ADGRV1: variants seen among roughly 807,000 people sequenced by gnomAD.
ADGRV1 encodes the protein adhesion G protein-coupled receptor V1, also known as G-protein coupled receptor 98.
ADGRV1 carries 359 observed loss-of-function variants against 596.2 expected under a neutral mutation model. The observed-to-expected ratio is 0.60, with a 90% confidence interval of 0.55 to 0.66. The LOEUF (loss-of-function observed/expected upper bound fraction) is 0.66, where lower values mean the gene tolerates loss of function less well. Ranked by LOEUF, ADGRV1 falls within the 30% of genes least tolerant of loss-of-function variation. The probability of loss-of-function intolerance (pLI) is 0.00; values close to 1 mark genes in which losing one functional copy is unlikely to be tolerated. For missense variants in ADGRV1, 7,274 were observed against 7,575.6 expected, an observed-to-expected ratio of 0.96 and a Z score of 1.48; for synonymous variants, 2,681 against 2,679.2, an observed-to-expected ratio of 1.00 and a Z score of -0.02.
chr5:90,818,889 G>A (rs1763185192), intron 75 of ADGRV1, among the ~76,000 whole-genome samples: 1 of 149,340 alleles, frequency 6.7e-6, no homozygotes, highest in African/African-American at 2.5e-5. Context: ...TTTTGGTTGT[G>A]TCTCTGCCCG....
intron 34 of ADGRV1, among the ~76,000 whole-genome samples, chr5:90,699,069 G>A (rs1747569104): frequency 6.6e-6 from 1 of 152,144 alleles, no homozygotes; most frequent in African/African-American, 2.4e-5. Flanking sequence ...TGGCTTTCAG[G>A]AGGCTGCCTG....
At position 91,032,365 on chromosome 5, in the gene ADGRV1, T is replaced by G. The variant is rs76144854; in HGVS notation, c.18153-40082T>G. Among the ~76,000 whole-genome samples the G allele has an allele frequency of 5.5e-4, 84 of 152,286 alleles. 2 individuals are homozygous for G. In the East Asian group the frequency reaches 0.016, roughly 28 times the overall value. ...TATAAACGGAAGCAGAGTAGAAAAG[T>G]TATGATGCTATTGTGATGTAAAGGC... is the stretch of plus-strand genomic sequence containing the variant. On this transcript the variant is annotated intron_variant, in intron 85 of 89. Transcript: ENST00000405460.
rs1184010778 is a variant in ADGRV1 at position 91,027,144 on chromosome 5, A to AACACACACACACACACAC, written c.18152+41651_18152+41668dup. Among the ~76,000 whole-genome samples the AACACACACACACACACAC allele has an allele frequency of 1.6e-3, 207 of 129,208 alleles. 2 individuals carry two copies. The highest frequency in any genetic ancestry group is 2.1e-3 in the East Asian group (9 of 4,312). 84.8% of individuals were successfully genotyped at this position (129,208 alleles called of 152,430 possible). A position where few individuals can be genotyped will look rare whatever the true frequency, so the allele number is the denominator to read the frequency against. ...GCAACAGAGCAAAACACAGTCTCAA[A>AACACACACACACACACAC]ACACACACACACACACACACACACA... is the stretch of plus-strand genomic sequence containing the variant. On this transcript the variant is annotated intron_variant, in intron 85 of 89. Coordinates refer to ENST00000405460, the MANE Select transcript of ADGRV1 (RefSeq NM_032119.4).
At chr5:90,850,637 A>G (rs929942877) in intron 79 of ADGRV1, 9 of 152,184 alleles carry the variant, frequency 5.9e-5, no homozygotes, top group Non-Finnish European at 1.2e-4. Flanking sequence ...TAGCTTTGCA[A>G]TCCCCACAAT....
chr5:90,884,342 C>G (rs1033556704), intron 83 of ADGRV1, among the ~76,000 whole-genome samples: 2 of 152,172 alleles, frequency 1.3e-5, no homozygotes, highest in Non-Finnish European at 2.9e-5. Context: ...AACAACCAAT[C>G]TATTCTTTTC....
At chr5:90,648,630 GT>G (rs1274733916) in intron 17 of ADGRV1, among the ~76,000 whole-genome samples, 15 of 152,104 alleles carry the variant, frequency 9.9e-5, no homozygotes, top group Admixed American at 7.2e-4. Context: ...CTTAATTATT[GT>G]TTTAGCTGTG....
intron 49 of ADGRV1, 147 bp downstream of exon 49, chr5:90,729,080 G>C: frequency 1.7e-6 from 1 of 603,490 alleles, no homozygotes. Flanking sequence ...ATTGTCAGCT[G>C]TAAATGGATT....
chr5:90,977,159 T>G (rs1282520155), intron 84 of ADGRV1, among the ~76,000 whole-genome samples: 2 of 152,174 alleles, frequency 1.3e-5, no homozygotes, highest in Non-Finnish European at 2.9e-5. Flanking sequence ...GACAACAGAC[T>G]GGGAATTATC....
At chr5:90,710,871 C>T in intron 39 of ADGRV1, 110 bp from the exon 40 acceptor site, 3 of 659,316 alleles carry the variant, frequency 4.6e-6, no homozygotes, top group Non-Finnish European at 7.9e-6. Context: ...GTTGATAATA[C>T]CTGTACATTA....
At chr5:90,682,588 A>G (rs558523658) in intron 27 of ADGRV1, among the ~76,000 whole-genome samples, 1 of 152,358 alleles carries the variant, frequency 6.6e-6, no homozygotes, top group African/African-American at 2.4e-5. Context: ...ATGAAGAAAT[A>G]TCACTCAAAC....
rs1362980062 is a variant in ADGRV1, at chr5:90,860,096, A to T, written c.17756-3661A>T. Among the ~76,000 whole-genome samples, 6 of 151,756 alleles carry T rather than the reference A, an allele frequency of 4.0e-5. No homozygotes were observed. The East Asian group carries it at 1.2e-3, about 29-fold the overall frequency. ...ACTGAGCAAGACCCTGTCTCTTAAA[A>T]AATAATAATAATAATAATGAAAATT... On this transcript the variant is annotated intron_variant, in intron 82 of 89. Transcript: ENST00000405460.
intron 85 of ADGRV1, among the ~76,000 whole-genome samples, chr5:90,994,875 C>T (rs1233036187): frequency 6.6e-6 from 1 of 152,194 alleles, no homozygotes; most frequent in East Asian, 1.9e-4. Context: ...GAAGAAATCT[C>T]CTAGTCTTTG....
chr5:90,734,097 T>C (rs1561624163), intron 50 of ADGRV1, among the ~76,000 whole-genome samples: 1 of 152,214 alleles, frequency 6.6e-6, no homozygotes, highest in Non-Finnish European at 1.5e-5. Context: ...TGACAGAATT[T>C]TGTTCTTTTT....
chr5:91,128,019 A>T (rs1793913572), intron 87 of ADGRV1, among the ~76,000 whole-genome samples: 1 of 152,026 alleles, frequency 6.6e-6, no homozygotes, highest in Non-Finnish European at 1.5e-5. Context: ...CCTTGTCCTC[A>T]AAAGCAAAAT....
At chr5:90,628,902 T>A in intron 8 of ADGRV1, 70 bp downstream of exon 8, 1 of 1,409,290 alleles carries the variant, frequency 7.1e-7, no homozygotes. Flanking sequence ...AATTTGGTCA[T>A]ACACATCAAC....
At chr5:90,720,356 G>T (rs1023353437) in intron 44 of ADGRV1, 133 bp downstream of exon 44, 1 of 632,372 alleles carries the variant, frequency 1.6e-6, no homozygotes, top group Non-Finnish European at 2.6e-6. Flanking sequence ...CTCTAGAAAA[G>T]ATAGGTCTAG....
intron 85 of ADGRV1, among the ~76,000 whole-genome samples, chr5:90,992,670 G>T (rs1562057694): frequency 6.6e-6 from 1 of 152,140 alleles, no homozygotes; most frequent in Non-Finnish European, 1.5e-5. Context: ...TTAGATTCTG[G>T]TTTAATTTCT....
Position 91,113,940 on chromosome 5 carries a change from C to T in ADGRV1, c.18432+11600C>T, listed in dbSNP as rs185617648. 4.8e-5 allele frequency among the ~76,000 whole-genome samples: 7 copies of T among 147,246 alleles called. No homozygotes were observed. In the East Asian group the frequency reaches 1.4e-3, roughly 30 times the overall value. On this transcript the variant is annotated intron_variant, in intron 87 of 89. Transcript: ENST00000405460. ...TCTCAAAAAAAGAGAAAAAAAATGC[C>T]AGGTGCAGTGGCTCACGCCTGTAAT...
At chr5:90,693,227 C>CCT (rs57749656) in intron 32 of ADGRV1, among the ~76,000 whole-genome samples, 107,546 of 150,920 alleles carry the variant, frequency 0.71, 38,884 homozygotes, top group African/African-American at 0.82. Flanking sequence ...GTGACAAGTC[C>CCT]CTGGTATCCA....
Sources: allele counts gnomAD v4.1 joint callset (sites outside exome capture counted in the v4.1 genomes callset), GRCh38; gene constraint gnomAD v4.1.1; transcripts MANE v1.5; gene names NCBI Gene and HGNC (gene_info 2026-07-23, HGNC 2026-07-21).